MTSS1: variants seen among roughly 807,000 people sequenced by gnomAD.
MTSS1 encodes the protein protein MTSS 1.
Under a neutral mutation model 79.0 loss-of-function variants are expected in MTSS1, and 18 were observed. That is an observed-to-expected ratio of 0.23 (90% CI 0.16 to 0.34). The LOEUF (loss-of-function observed/expected upper bound fraction) is 0.34, where lower values mean the gene tolerates loss of function less well. Among genes scored for constraint, MTSS1 ranks in the 10% least tolerant of loss-of-function variants. The pLI, the probability that MTSS1 is intolerant of heterozygous loss-of-function variation, is 1.00. For missense variants in MTSS1, 815 were observed against 986.2 expected, an observed-to-expected ratio of 0.83 and a Z score of 2.33; for synonymous variants, 341 against 368.6, an observed-to-expected ratio of 0.93 and a Z score of 0.86.
intron 3 of MTSS1, among the ~76,000 whole-genome samples, chr8:124,634,847 C>T (rs574978663): frequency 2.0e-5 from 3 of 152,198 alleles, no homozygotes; most frequent in Admixed American, 6.5e-5. Context: ...CTTGCTGAAT[C>T]AGAACCTACA....
intron 3 of MTSS1, among the ~76,000 whole-genome samples, chr8:124,648,604 A>C (rs1819391329): frequency 6.6e-6 from 1 of 152,034 alleles, no homozygotes; most frequent in South Asian, 2.1e-4. Context: ...GGGTCTCCAC[A>C]TCAAAGTTGG....
chr8:124,574,957 C>T (rs1003003124), intron 6 of MTSS1, among the ~76,000 whole-genome samples: 2 of 152,078 alleles, frequency 1.3e-5, no homozygotes, highest in Non-Finnish European at 2.9e-5. Flanking sequence ...TGGTGTGTCA[C>T]AGTTTAATCG....
Position 124,677,120 on chromosome 8 carries a change from T to C in MTSS1, c.208+22406A>G, listed in dbSNP as rs551474038. Among the ~76,000 whole-genome samples the C allele has an allele frequency of 1.8e-4, 28 of 152,316 alleles. No individual in the cohort carries two copies. In the South Asian group the frequency reaches 5.8e-3, roughly 32 times the overall value. ...GGTCTCCACGATCACCAATTGTTCA[T>C]TTCTCTCTTTTGTCTTCCCCAATCA... On this transcript the variant is annotated intron_variant, in intron 3 of 13. Transcript: ENST00000518547.
chr8:124,689,445 TAAAA>T (rs879823879), intron 3 of MTSS1, among the ~76,000 whole-genome samples: 1 of 144,956 alleles, frequency 6.9e-6, no homozygotes, highest in Non-Finnish European at 1.5e-5. Context: ...AAGAGAACAT[TAAAA>T]AAAAAAAAAT....
chr8:124,651,196 G>C (rs999733687), intron 3 of MTSS1, among the ~76,000 whole-genome samples: 10 of 152,044 alleles, frequency 6.6e-5, no homozygotes, highest in Admixed American at 4.6e-4. Flanking sequence ...CCTAAGAAAG[G>C]CCACCTCCTA....
At position 124,727,185 on chromosome 8, in the gene MTSS1, G is replaced by A. The variant is rs1422353655; in HGVS notation, c.72+699C>T. Among the ~76,000 whole-genome samples, 2 of 152,222 alleles carry A rather than the reference G, an allele frequency of 1.3e-5. No homozygotes were observed. Among genetic ancestry groups the A allele is most frequent in the African/African-American group, 4.8e-5 (2 of 41,468 alleles). The stretch of plus-strand genomic sequence containing the variant: ...AGTGTGTGTCCGTTTGGGTCTGGGA[G>A]GGCAGGATACAGTTATTTCGGGGGC... On this transcript the variant is annotated intron_variant, in intron 1 of 13. Coordinates refer to ENST00000518547, the MANE Select transcript of MTSS1 (RefSeq NM_014751.6). The surrounding 1 kb of genome is among the most constrained non-coding windows in gnomAD (Gnocchi z 4.7).
At chr8:124,619,268 TC>T (rs1812996540) in intron 3 of MTSS1, 1 of 152,216 alleles carries the variant, frequency 6.6e-6, no homozygotes, top group Admixed American at 6.5e-5. Context: ...GCTGCTTACC[TC>T]CCAGCTTCTG....
In MTSS1 at chr8:124,552,076, A is replaced by C. The variant is rs1448352227; in HGVS notation, c.*916T>G. 3 of 152,676 alleles carry C rather than the reference A, an allele frequency of 2.0e-5. No individual in the cohort carries two copies. The allele number at this position is 152,676 out of a possible 1,614,324, so 9.5% of individuals were successfully genotyped here. ...ATTTTTAAATGTTTTCACATTTTTA[A>C]AACTGCCTTACCCTTTTGGATGTAT... On this transcript the variant is annotated 3_prime_UTR_variant, in exon 14 of 14. Transcript: ENST00000518547.
Position 124,557,791 on chromosome 8 carries a change from G to A in MTSS1, c.1120C>T (p.Pro374Ser). The A allele has an allele frequency of 6.2e-7, 1 of 1,606,068 alleles. No individual in the cohort carries two copies. The highest frequency in any genetic ancestry group is 8.5e-7 in the Non-Finnish European group (1 of 1,176,392). Residue 374 changes from proline to serine, a missense_variant, in exon 11 of 14, where the codon CCT becomes TCT. Coordinates refer to ENST00000518547, the MANE Select transcript of MTSS1 (RefSeq NM_014751.6). ...TGAGLFPHCL[P>S]ASRLLPRVTS... The stretch of plus-strand genomic sequence containing the variant: ...ACCCGAGGGAGCAGGCGGGAGGCAG[G>A]CAGGCAATGAGGGAAAAGGCCTGCA...
intron 3 of MTSS1, among the ~76,000 whole-genome samples, chr8:124,680,570 C>CT (rs1825964240): frequency 1.3e-5 from 2 of 152,248 alleles, no homozygotes; most frequent in Admixed American, 6.5e-5. Context: ...GTTCCCGTCT[C>CT]TAACATAACA....
rs1586732834 is a variant in MTSS1 at position 124,552,826 on chromosome 8, ATAGG to A, written c.*162_*165del. 5.1e-6 allele frequency: 3 copies of A among 586,530 alleles called. No individual in the cohort carries two copies. In the East Asian group the frequency reaches 8.3e-5, roughly 16 times the overall value. The allele number at this position is 586,530 out of a possible 1,614,324, so 36.3% of individuals were successfully genotyped here. On this transcript the variant is annotated 3_prime_UTR_variant, in exon 14 of 14. Transcript: ENST00000518547. ...AAAAGATCAAGATTATGTCAGTTACATAGGTTGGTTTTAATTCTTATCTAAAGGT... is the reference window on the plus strand; with the variant it reads ...AAAAGATCAAGATTATGTCAGTTACATTGGTTTTAATTCTTATCTAAAGGT...
intron 1 of MTSS1, among the ~76,000 whole-genome samples, chr8:124,717,487 C>T (rs1356958290): frequency 1.3e-5 from 2 of 149,166 alleles, no homozygotes; most frequent in East Asian, 2.0e-4. Context: ...GACAGATACT[C>T]GGGAGGCTGA....
chr8:124,563,075 G>C, intron 9 of MTSS1, 83 bp from the exon 10 acceptor site: 10 of 1,195,414 alleles, frequency 8.4e-6, no homozygotes, highest in Admixed American at 2.1e-5. Context: ...GGAAGGAGGG[G>C]AACAGATGAG....
intron 3 of MTSS1, among the ~76,000 whole-genome samples, chr8:124,655,754 G>A (rs1363219807): frequency 6.6e-6 from 1 of 152,146 alleles, no homozygotes; most frequent in Admixed American, 6.5e-5. Flanking sequence ...GGGAGAGAAA[G>A]AGGGATGGGA....
intron 3 of MTSS1, among the ~76,000 whole-genome samples, chr8:124,621,470 G>A (rs533656424): frequency 1.1e-4 from 17 of 152,276 alleles, no homozygotes; most frequent in African/African-American, 4.1e-4. Context: ...GTCTGCCAGG[G>A]GGGCATCAGT....
chr8:124,617,216 G>A (rs917650903), intron 3 of MTSS1, among the ~76,000 whole-genome samples: 3 of 152,206 alleles, frequency 2.0e-5, no homozygotes, highest in Non-Finnish European at 4.4e-5. Flanking sequence ...GGCAGGCGGG[G>A]CAACTCTTTC....
chr8:124,650,477 A>G (rs918487747), intron 3 of MTSS1, among the ~76,000 whole-genome samples: 2 of 151,748 alleles, frequency 1.3e-5, no homozygotes, highest in African/African-American at 4.8e-5. Flanking sequence ...CAGGGACCTG[A>G]CACAACCAAA....
In MTSS1 at chr8:124,727,176, G is replaced by C. The variant is rs1291421311; in HGVS notation, c.72+708C>G. Among the ~76,000 whole-genome samples the C allele has an allele frequency of 2.0e-5, 3 of 152,144 alleles. No individual in the cohort carries two copies. The highest frequency in any genetic ancestry group is 4.4e-5 in the Non-Finnish European group (3 of 68,006). On this transcript the variant is annotated intron_variant, in intron 1 of 13. Coordinates refer to ENST00000518547, the MANE Select transcript of MTSS1 (RefSeq NM_014751.6). This position sits in a 1 kb window ranked among gnomAD's most constrained non-coding sequence, Gnocchi z 4.7. The stretch of plus-strand genomic sequence containing the variant: ...AAAACCTAGAGTGTGTGTCCGTTTG[G>C]GTCTGGGAGGGCAGGATACAGTTAT...
chr8:124,661,526 G>A (rs1822025716), intron 3 of MTSS1, among the ~76,000 whole-genome samples: 1 of 152,188 alleles, frequency 6.6e-6, no homozygotes, highest in Non-Finnish European at 1.5e-5. Context: ...GAAGATACGT[G>A]TGACCATCAG....
Sources: gnomAD v4.1 joint callset for allele counts (sites outside exome capture counted in the v4.1 genomes callset) on GRCh38, gnomAD v4.1.1 for gene constraint, Gnocchi (gnomAD v3.1) non-coding constraint, MANE v1.5 for transcripts, NCBI Gene and HGNC (gene_info 2026-07-23, HGNC 2026-07-21) for gene names.